Variants in HMG20A observed in about 807,000 individuals in gnomAD.
The protein encoded by HMG20A is high mobility group protein 20A.
Under a neutral mutation model 43.9 loss-of-function variants are expected in HMG20A, and 17 were observed. The ratio of observed to expected loss-of-function variants is 0.39; its 90% CI spans 0.27 to 0.58. The LOEUF (loss-of-function observed/expected upper bound fraction) is 0.58. HMG20A is among the 20% of genes least tolerant of loss of function. The pLI, the probability that HMG20A is intolerant of heterozygous loss-of-function variation, is 0.59. For missense variants in HMG20A, 341 were observed against 438.2 expected (o/e 0.78, Z 1.98); for synonymous variants, 132 against 147.5 (o/e 0.89, Z 0.76).
At chr15:77,458,602 G>A (rs983336680) in intron 2 of HMG20A, 106 bp downstream of exon 2, 5 of 652,632 alleles carry the variant, frequency 7.7e-6, no homozygotes, top group Admixed American at 2.9e-5. Flanking sequence ...AAGAATAGAC[G>A]GTGCACTTGT....
chr15:77,453,049 G>A (rs1421616387), intron 1 of HMG20A, among the ~76,000 whole-genome samples: 2 of 152,140 alleles, frequency 1.3e-5, no homozygotes, highest in Non-Finnish European at 2.9e-5. Flanking sequence ...CCAACATGGC[G>A]AAACCCTGTC....
Position 77,456,039 on chromosome 15 carries a change from T to G in HMG20A, c.-4-2365T>G, listed in dbSNP as rs551997404. Among the ~76,000 whole-genome samples the G allele has an allele frequency of 1.3e-3, 204 of 152,276 alleles. 1 individual carries two copies. Among genetic ancestry groups the G allele is most frequent in the African/African-American group, 4.8e-3 (199 of 41,540 alleles). On this transcript the variant is annotated intron_variant, in intron 1 of 9. Transcript: ENST00000336216. ...TAGGGACCTGACTACTCAGTAACACTGAGAAAATATATCTGAAACCATATG... is the reference window on the plus strand; with the variant it reads ...TAGGGACCTGACTACTCAGTAACACGGAGAAAATATATCTGAAACCATATG...
the HMG20A span, among the ~76,000 whole-genome samples, chr15:77,518,235 C>T: frequency 2.0e-5 from 3 of 152,008 alleles, no homozygotes; most frequent in South Asian, 2.1e-4. Context: ...GTGGGGGAGC[C>T]GATAGGGGAG....
chr15:77,508,578 C>T, the HMG20A span, among the ~76,000 whole-genome samples: 1 of 152,162 alleles, frequency 6.6e-6, no homozygotes, highest in Non-Finnish European at 1.5e-5. Context: ...TGAACCCCAC[C>T]CCTGGGGTGA....
At chr15:77,421,399 G>A (rs2073335445) in intron 1 of HMG20A, among the ~76,000 whole-genome samples, 1 of 152,182 alleles carries the variant, frequency 6.6e-6, no homozygotes, top group South Asian at 2.1e-4. Flanking sequence ...GTGGAATATG[G>A]AGCATTTCCT....
downstream of HMG20A, among the ~76,000 whole-genome samples, chr15:77,490,551 A>C (rs919997233): frequency 2.0e-5 from 3 of 152,208 alleles, no homozygotes; most frequent in African/African-American, 7.2e-5. Flanking sequence ...TCCTGGGCAC[A>C]GTGGCTTACG....
chr15:77,515,912 G>C, the HMG20A span, among the ~76,000 whole-genome samples: 2 of 151,642 alleles, frequency 1.3e-5, no homozygotes, highest in African/African-American at 4.9e-5. Flanking sequence ...CGATTCAAAG[G>C]TGTGGGGAGA....
chr15:77,498,366 C>T, the HMG20A span, among the ~76,000 whole-genome samples: 2 of 152,194 alleles, frequency 1.3e-5, no homozygotes, highest in Admixed American at 1.3e-4. Flanking sequence ...CTAGAGCTCA[C>T]GTTGAAAGTC....
intron 6 of HMG20A, among the ~76,000 whole-genome samples, chr15:77,474,820 T>C (rs982592528): frequency 6.6e-6 from 1 of 152,100 alleles, no homozygotes; most frequent in Non-Finnish European, 1.5e-5. Flanking sequence ...GAAGCACATA[T>C]CACACTCTTT....
chr15:77,458,767 A>G (rs1185912004), intron 2 of HMG20A, among the ~76,000 whole-genome samples: 1 of 152,250 alleles, frequency 6.6e-6, no homozygotes, highest in South Asian at 2.1e-4. Flanking sequence ...TATAGTCACC[A>G]TTAAGGAAAT....
intron 4 of HMG20A, among the ~76,000 whole-genome samples, chr15:77,470,131 C>A (rs988989717): frequency 1.6e-4 from 24 of 152,110 alleles, no homozygotes; most frequent in African/African-American, 5.6e-4. Flanking sequence ...AGTTGAGTAT[C>A]CCCTACATCT....
the HMG20A span, among the ~76,000 whole-genome samples, chr15:77,513,963 A>C: frequency 6.6e-6 from 1 of 152,148 alleles, no homozygotes; most frequent in African/African-American, 2.4e-5. Flanking sequence ...TGACCTTGTG[A>C]TCTGCCCACC....
At chr15:77,478,764 T>G (rs2072880355) in intron 8 of HMG20A, among the ~76,000 whole-genome samples, 1 of 152,240 alleles carries the variant, frequency 6.6e-6, no homozygotes, top group Non-Finnish European at 1.5e-5. Flanking sequence ...CTTTTAAGCT[T>G]AATTTGCTAT....
the HMG20A span, among the ~76,000 whole-genome samples, chr15:77,493,465 C>A: frequency 6.6e-6 from 1 of 152,148 alleles, no homozygotes; most frequent in Non-Finnish European, 1.5e-5. Flanking sequence ...GTCTTATCAC[C>A]AGCCCAAGGA....
chr15:77,490,354 C>A (rs542850298), downstream of HMG20A, among the ~76,000 whole-genome samples: 3 of 152,066 alleles, frequency 2.0e-5, no homozygotes, highest in Admixed American at 2.0e-4. Context: ...GTGGGGTGGG[C>A]AAGAGAAGAA....
At chr15:77,501,910 C>G in the HMG20A span, among the ~76,000 whole-genome samples, 2 of 152,260 alleles carry the variant, frequency 1.3e-5, no homozygotes, top group African/African-American at 4.8e-5. Flanking sequence ...ACACCAGATG[C>G]CTTAACCATG....
At chr15:77,480,863 C>G (rs2072900908) in intron 9 of HMG20A, among the ~76,000 whole-genome samples, 1 of 151,922 alleles carries the variant, frequency 6.6e-6, no homozygotes, top group East Asian at 1.9e-4. Context: ...AAACTGGCAT[C>G]CCTTTGCTCT....
intron 1 of HMG20A, among the ~76,000 whole-genome samples, chr15:77,437,049 T>G (rs1335523715): frequency 6.6e-6 from 1 of 152,188 alleles, no homozygotes; most frequent in African/African-American, 2.4e-5. Flanking sequence ...TGGGTCCTAA[T>G]AAGCTAATTC....
At chr15:77,492,668 T>G in the HMG20A span, among the ~76,000 whole-genome samples, 1 of 151,804 alleles carries the variant, frequency 6.6e-6, no homozygotes, top group Admixed American at 6.6e-5. Context: ...AAAAAAATTT[T>G]TAATTAGCCA....
Sources: gnomAD v4.1 joint callset for allele counts (sites outside exome capture counted in the v4.1 genomes callset) on GRCh38, gnomAD v4.1.1 for gene constraint, MANE v1.5 for transcripts, NCBI Gene and HGNC (gene_info 2026-07-23, HGNC 2026-07-21) for gene names.